Variants in DBN1 observed in about 807,000 individuals in gnomAD.
The protein encoded by DBN1 is drebrin 1.
In DBN1, 21 loss-of-function variants were observed where a neutral mutation model predicts 83.5. The observed-to-expected ratio is 0.25, with a 90% CI of 0.18 to 0.36. The LOEUF is 0.36. DBN1 is among the 10% of genes least tolerant of loss of function. The pLI is 1.00. For synonymous variants in DBN1, 381 were observed against 384.9 expected, an observed-to-expected ratio of 0.99 and a Z score of 0.12; for missense variants, 874 against 935.7, an observed-to-expected ratio of 0.93 and a Z score of 0.86.
At chr5:177,465,045 T>TC (rs749494368) in intron 8 of DBN1, among the ~76,000 whole-genome samples, 208 of 152,216 alleles carry the variant, frequency 1.4e-3, no homozygotes, top group Non-Finnish European at 2.1e-3. Context: ...TCCCAGCTAC[T>TC]TGGAGGCTGA....
At chr5:177,464,895 C>T (rs963833821) in intron 8 of DBN1, among the ~76,000 whole-genome samples, 28 of 152,152 alleles carry the variant, frequency 1.8e-4, no homozygotes, top group East Asian at 7.8e-4. Context: ...TGGCTCACGC[C>T]TGTAATCCCA....
chr5:177,469,047 C>T (rs1034684901), intron 1 of DBN1, 148 bp from the exon 2 acceptor site: 2 of 481,638 alleles, frequency 4.2e-6, no homozygotes, highest in African/African-American at 2.0e-5. Context: ...CAGGGCCAGG[C>T]ATCGGTTCAG....
intron 8 of DBN1, among the ~76,000 whole-genome samples, chr5:177,465,794 G>A (rs1168682964): frequency 6.7e-6 from 1 of 150,334 alleles, no homozygotes; most frequent in Non-Finnish European, 1.5e-5. Flanking sequence ...GATGGAGGTT[G>A]CAGTGAGCCA....
At chr5:177,463,807 CATGTGTGT>C (rs1228477572) in intron 8 of DBN1, among the ~76,000 whole-genome samples, 1 of 152,216 alleles carries the variant, frequency 6.6e-6, no homozygotes, top group Non-Finnish European at 1.5e-5. Flanking sequence ...TGTCTACCTG[CATGTGTGT>C]ATGTTTGAAA....
intron 11 of DBN1, 34 bp from the exon 12 acceptor site, chr5:177,459,302 C>T (rs1231602891): frequency 8.8e-6 from 14 of 1,590,654 alleles, no homozygotes; most frequent in Middle Eastern, 1.8e-4. Flanking sequence ...TCAGTGAGGG[C>T]GGGGGAGCCG....
At chr5:177,472,366 G>A in intron 1 of DBN1, 2 of 1,482,280 alleles carry the variant, frequency 1.3e-6, no homozygotes, top group South Asian at 1.4e-5. Context: ...CCAGCAGGGA[G>A]AGGAGGCCTA....
chr5:177,468,509 G>A, intron 2 of DBN1: 1 of 494,286 alleles, frequency 2.0e-6, no homozygotes, highest in Non-Finnish European at 3.6e-6. Flanking sequence ...TGTCTCACCA[G>A]GTGCCAGTGC....
chr5:177,458,998 G>C (rs1756791776), intron 12 of DBN1, 100 bp downstream of exon 12: 1 of 1,516,490 alleles, frequency 6.6e-7, no homozygotes, highest in African/African-American at 1.4e-5. Context: ...CTTGGTGATG[G>C]GTGGCCCAGA....
intron 2 of DBN1, chr5:177,468,550 G>C (rs182742836): frequency 2.2e-6 from 1 of 461,450 alleles, no homozygotes; most frequent in East Asian, 3.1e-5. Flanking sequence ...TCTGGCTCTG[G>C]GGAAGGCGGT....
chr5:177,472,440 G>A, intron 1 of DBN1: 1 of 1,353,144 alleles, frequency 7.4e-7, no homozygotes, highest in East Asian at 3.2e-5. Context: ...ATTCCAGGAT[G>A]GGGCTGTGAG....
rs1757625583 is a variant in DBN1, at chr5:177,468,490, ACAT to A, written c.143-273_143-271del. 9.4e-6 allele frequency: 5 copies of A among 530,044 alleles called. No homozygotes were observed. In the East Asian group the frequency reaches 1.2e-4, roughly 12 times the overall value. The allele number at this position is 530,044 out of a possible 1,614,324, so 32.8% of individuals were successfully genotyped here. A position where few individuals can be genotyped will look rare whatever the true frequency, so the allele number is the denominator to read the frequency against. ...TTCACACTCAGGTCTCATTCTTCAC[ACAT>A]CATCATGTCTCACCAGGTGCCAGTG... On this transcript the variant is annotated intron_variant, in intron 2 of 14. Transcript: ENST00000393565.
At chr5:177,464,116 A>G (rs1757237911) in intron 8 of DBN1, among the ~76,000 whole-genome samples, 1 of 151,216 alleles carries the variant, frequency 6.6e-6, no homozygotes, top group South Asian at 2.1e-4. Context: ...ACTTCATCTT[A>G]AAAAAGATAA....
rs74649270 is a variant in DBN1, at chr5:177,468,225, G to A, written c.143-5C>T. The A allele has an allele frequency of 1.5e-3, 2,491 of 1,612,882 alleles. 30 individuals carry two copies. In the African/African-American group the frequency reaches 0.029, roughly 19 times the overall value. On this transcript the variant is annotated splice_region_variant and splice_polypyrimidine_tract_variant and intron_variant, in intron 2 of 14. Transcript: ENST00000393565. ...AAAGCTCCTGCAAGCCCCCTTCTAG[G>A]GTAATCAGGAGAGTGTCAGGTCTCT...
In DBN1 at chr5:177,466,325, C is replaced by T. The variant is rs542098753; in HGVS notation, c.771+447G>A. ...CAATGTGTGGAGATTCAGACAGTAC[C>T]CCTGGAACAAAGGGGCTGCTCCCAG... is the stretch of plus-strand genomic sequence containing the variant. On this transcript the variant is annotated intron_variant, in intron 8 of 14. Transcript: ENST00000393565. This position sits in a 1 kb window ranked among gnomAD's most constrained non-coding sequence, Gnocchi z 4.8. 6.6e-6 allele frequency among the ~76,000 whole-genome samples: 1 copy of T among 152,346 alleles called. No individual in the cohort carries two copies. The highest frequency in any genetic ancestry group is 2.1e-4 in the South Asian group (1 of 4,820).
chr5:177,458,591 C>G lies in DBN1; in HGVS notation c.1381G>C (p.Gly461Arg). 1 of 1,613,452 alleles carries G rather than the reference C, an allele frequency of 6.2e-7. No individual in the cohort carries two copies. Among genetic ancestry groups the G allele is most frequent in the Non-Finnish European group, 8.5e-7 (1 of 1,179,606 alleles). ...AACATCAAGTCCTCTGCAGGGCTGC[C>G]TGGCCCCCGGGGAGGCGCCTGTGCC... ...PQAQAPPRGP[G>R]SPAEDLMFME... The change falls in exon 13 of 15, where the codon GGC becomes CGC. Residue 461 changes from glycine (G) to arginine (R), a missense_variant. Physicochemically the swap from Gly to Arg is moderately radical, Grantham distance 125. Transcript: ENST00000393565.
chr5:177,464,517 T>C (rs1451486063), intron 8 of DBN1, among the ~76,000 whole-genome samples: 1 of 151,914 alleles, frequency 6.6e-6, no homozygotes. Flanking sequence ...TCCAGCACTT[T>C]GGGAGGCCGA....
chr5:177,471,072 T>C (rs1682864629), intron 1 of DBN1, among the ~76,000 whole-genome samples: 1 of 151,998 alleles, frequency 6.6e-6, no homozygotes, highest in African/African-American at 2.4e-5. Flanking sequence ...TCAAAAGCCA[T>C]CTAGCCAGAT....
chr5:177,469,662 C>A (rs1253776650), intron 1 of DBN1, among the ~76,000 whole-genome samples: 2 of 152,202 alleles, frequency 1.3e-5, no homozygotes, highest in African/African-American at 2.4e-5. Context: ...GACCTGGTGG[C>A]CTTCCTCCTT....
intron 8 of DBN1, among the ~76,000 whole-genome samples, chr5:177,465,119 C>T (rs549116745): frequency 6.6e-6 from 1 of 152,128 alleles, no homozygotes; most frequent in Non-Finnish European, 1.5e-5. Context: ...CGCCACTGCA[C>T]TCCGGCCTGG....
Sources: allele counts gnomAD v4.1 joint callset (sites outside exome capture counted in the v4.1 genomes callset), GRCh38; gene constraint gnomAD v4.1.1; non-coding constraint Gnocchi (gnomAD v3.1); transcripts MANE v1.5; gene names NCBI Gene and HGNC (gene_info 2026-07-23, HGNC 2026-07-21).